The following ADAMTS17 variants were observed in gnomAD, a reference collection of about 807,000 sequenced individuals.
The protein encoded by ADAMTS17 is A disintegrin and metalloproteinase with thrombospondin motifs 17.
Under a neutral mutation model 141.5 loss-of-function variants are expected in ADAMTS17, and 113 were observed. That is an observed-to-expected ratio of 0.80 (90% CI 0.69 to 0.93). ADAMTS17 has a LOEUF of 0.93. ADAMTS17 is among the 40% of genes least tolerant of loss of function. The probability of loss-of-function intolerance (pLI) is 0.00; values close to 1 mark genes in which losing one functional copy is unlikely to be tolerated. For missense variants in ADAMTS17, 1,659 were observed against 1,517.9 expected (o/e 1.09, Z -1.54); for synonymous variants, 768 against 630.6 (o/e 1.22, Z -3.27).
chr15:99,989,156 C>T (rs115524309), intron 20 of ADAMTS17, among the ~76,000 whole-genome samples: 2,505 of 152,240 alleles, frequency 0.016, 64 homozygotes, highest in African/African-American at 0.056. Context: ...GGGGTGTGGG[C>T]GAGTCACGGA....
intron 7 of ADAMTS17, among the ~76,000 whole-genome samples, chr15:100,251,385 C>T (rs1291900234): frequency 2.0e-5 from 3 of 152,206 alleles, no homozygotes; most frequent in Non-Finnish European, 4.4e-5. Flanking sequence ...TATGTAGAAA[C>T]CCTAACTCCC....
chr15:100,091,828 ATTTGT>A (rs1265908365), intron 15 of ADAMTS17, among the ~76,000 whole-genome samples: 2 of 152,058 alleles, frequency 1.3e-5, no homozygotes, highest in African/African-American at 4.8e-5. Flanking sequence ...TTGGAGAGGC[ATTTGT>A]TTTATTTTTC....
chr15:100,007,282 T>A (rs1421532929), intron 18 of ADAMTS17, among the ~76,000 whole-genome samples: 1 of 152,122 alleles, frequency 6.6e-6, no homozygotes, highest in Non-Finnish European at 1.5e-5. Flanking sequence ...AAGTCTGGGA[T>A]GTCTGGTCCA....
intron 12 of ADAMTS17, among the ~76,000 whole-genome samples, chr15:100,125,483 G>A (rs575162430): frequency 7.9e-5 from 12 of 152,182 alleles, no homozygotes; most frequent in African/African-American, 2.4e-4. Flanking sequence ...GCATGTGGGC[G>A]GCACCTCATG....
chr15:100,088,905 T>A (rs923729746), intron 15 of ADAMTS17, among the ~76,000 whole-genome samples: 7 of 152,038 alleles, frequency 4.6e-5, no homozygotes, highest in African/African-American at 1.2e-4. Context: ...AACCTAGTCA[T>A]TACCATTCAG....
intron 15 of ADAMTS17, among the ~76,000 whole-genome samples, chr15:100,079,401 C>T (rs2141802311): frequency 6.6e-6 from 1 of 152,288 alleles, no homozygotes; most frequent in East Asian, 1.9e-4. Context: ...TGACAACATG[C>T]ATGACTTGAA....
chr15:100,244,922 TC>T (rs2042941294), intron 7 of ADAMTS17, among the ~76,000 whole-genome samples: 1 of 152,002 alleles, frequency 6.6e-6, no homozygotes, highest in African/African-American at 2.4e-5. Context: ...ATGATTCTAC[TC>T]CCCCTCGTGT....
chr15:99,996,106 G>A (rs1303108287), intron 19 of ADAMTS17, among the ~76,000 whole-genome samples: 1 of 150,122 alleles, frequency 6.7e-6, no homozygotes, highest in East Asian at 2.0e-4. Context: ...CCAGGCTGAA[G>A]TGCAATGGCG....
intron 15 of ADAMTS17, among the ~76,000 whole-genome samples, chr15:100,076,795 T>C (rs79172366): frequency 0.029 from 4,358 of 149,142 alleles, 214 homozygotes; most frequent in African/African-American, 0.11. Context: ...AACAAAAACA[T>C]AGCATAGTAT....
Position 100,212,466 on chromosome 15 carries a change from C to T in ADAMTS17, c.1076-13043G>A, listed in dbSNP as rs1410384396. The stretch of plus-strand genomic sequence containing the variant: ...TCTTTAACCCTTGAGACTGCAAAAG[C>T]TAATATGCATGTGTGTATTTCTTGC... On this transcript the variant is annotated intron_variant, in intron 7 of 21. Coordinates refer to ENST00000268070, the MANE Select transcript of ADAMTS17 (RefSeq NM_139057.4). Among the ~76,000 whole-genome samples, 3 of 152,192 alleles carry T rather than the reference C, an allele frequency of 2.0e-5. No individual in the cohort carries two copies. In the East Asian group the frequency reaches 5.8e-4, roughly 29 times the overall value.
intron 6 of ADAMTS17, among the ~76,000 whole-genome samples, chr15:100,255,336 G>T (rs1167616956): frequency 2.2e-5 from 3 of 137,724 alleles, no homozygotes; most frequent in Non-Finnish European, 4.9e-5. Context: ...CTTCTCTCAG[G>T]GCCCAAAGAA....
chr15:100,072,853 A>T (rs2034079663), intron 15 of ADAMTS17, among the ~76,000 whole-genome samples: 1 of 152,236 alleles, frequency 6.6e-6, no homozygotes. Flanking sequence ...ATGGGGAAGG[A>T]CTTCATGTCT....
intron 4 of ADAMTS17, among the ~76,000 whole-genome samples, chr15:100,274,901 G>A (rs2044028659): frequency 6.6e-6 from 1 of 152,038 alleles, no homozygotes; most frequent in African/African-American, 2.4e-5. Flanking sequence ...TTACTGTGGG[G>A]ATTATATTTA....
At chr15:99,979,622 A>C (rs1339434869) in intron 20 of ADAMTS17, 1 of 152,196 alleles carries the variant, frequency 6.6e-6, no homozygotes, top group Non-Finnish European at 1.5e-5. Flanking sequence ...GAGTGAAGTC[A>C]GATACAACCA....
Position 100,040,151 on chromosome 15 carries a change from G to C in ADAMTS17, c.2591+8706C>G, listed in dbSNP as rs556015587. 1.1e-4 allele frequency among the ~76,000 whole-genome samples: 16 copies of C among 152,260 alleles called. 1 individual carries two copies. The highest frequency in any genetic ancestry group is 3.4e-4 in the African/African-American group (14 of 41,550). ...GCTGTAAGAGTCAGCCAGCAGAGGAGTCCGCCAAGAATGACCTTCATTAGA... is the reference window on the plus strand; with the variant it reads ...GCTGTAAGAGTCAGCCAGCAGAGGACTCCGCCAAGAATGACCTTCATTAGA... On this transcript the variant is annotated intron_variant, in intron 18 of 21. Transcript: ENST00000268070.
intron 15 of ADAMTS17, among the ~76,000 whole-genome samples, chr15:100,087,981 C>G (rs1306923853): frequency 6.6e-6 from 1 of 152,190 alleles, no homozygotes; most frequent in Non-Finnish European, 1.5e-5. Flanking sequence ...GTTTGAAGTT[C>G]TGGCCAGGGC....
Position 99,976,049 on chromosome 15 carries a change from G to T in ADAMTS17, c.3123C>A (p.Arg1041=), listed in dbSNP as rs138966104. 611 of 1,550,448 alleles carry T rather than the reference G, an allele frequency of 3.9e-4. 4 individuals are homozygous for T. In the African/African-American group the frequency reaches 7.2e-3, roughly 18 times the overall value. Residue 1041 remains arginine, a synonymous_variant, in exon 21 of 22, where the codon CGC becomes CGA. Transcript: ENST00000268070. The part of the protein sequence containing the change: ...RINANTITSP[R]LAALTYKCTR... ...GGGGCCAGTGAAGACACTCACCAAG[G>T]CGGGGGGAGGTGATGGTGTTGGCGT... is the stretch of plus-strand genomic sequence containing the variant.
At chr15:100,266,173 A>C (rs1444177627) in intron 4 of ADAMTS17, among the ~76,000 whole-genome samples, 1 of 152,096 alleles carries the variant, frequency 6.6e-6, no homozygotes, top group Non-Finnish European at 1.5e-5. Context: ...CCCATTTTCC[A>C]ATTTGGCTGC....
intron 7 of ADAMTS17, among the ~76,000 whole-genome samples, chr15:100,207,347 A>G (rs7163955): frequency 0.98 from 149,643 of 152,232 alleles, 73,611 homozygotes; most frequent in South Asian, 1. Context: ...TTCCAGACCC[A>G]TAAGGAATAA....
Sources: gnomAD v4.1 joint callset for allele counts (sites outside exome capture counted in the v4.1 genomes callset) on GRCh38, gnomAD v4.1.1 for gene constraint, MANE v1.5 for transcripts, NCBI Gene and HGNC (gene_info 2026-07-23, HGNC 2026-07-21) for gene names.